XPR1: variants seen among roughly 807,000 people sequenced by gnomAD.
The protein encoded by XPR1 is xenotropic and polytropic retrovirus receptor 1, also known as solute carrier family 53 member 1.
A neutral mutation model predicts 87.5 loss-of-function variants in XPR1; 28 were observed. That is an observed-to-expected ratio of 0.32 (90% CI 0.24 to 0.44). The LOEUF is 0.44. Among genes scored for constraint, XPR1 ranks in the 20% least tolerant of loss-of-function variants. The probability of loss-of-function intolerance (pLI) is 1.00; values close to 1 mark genes in which losing one functional copy is unlikely to be tolerated. For synonymous variants in XPR1, 300 were observed against 306.1 expected, an observed-to-expected ratio of 0.98 and a Z score of 0.21; for missense variants, 559 against 862.3, an observed-to-expected ratio of 0.65 and a Z score of 4.41.
chr1:180,678,324 C>T (rs992756085), intron 1 of XPR1, among the ~76,000 whole-genome samples: 2 of 151,824 alleles, frequency 1.3e-5, no homozygotes, highest in Admixed American at 1.3e-4. Context: ...AGTTCTAATC[C>T]TCTAATCACT....
At chr1:180,848,996 A>G (rs1039107009) in intron 11 of XPR1, among the ~76,000 whole-genome samples, 3 of 152,178 alleles carry the variant, frequency 2.0e-5, no homozygotes, top group African/African-American at 7.2e-5. Flanking sequence ...TAATTTTTTA[A>G]GAAAGAATAT....
intron 13 of XPR1, among the ~76,000 whole-genome samples, chr1:180,878,979 T>G (rs1652754378): frequency 6.6e-6 from 1 of 152,192 alleles, no homozygotes; most frequent in African/African-American, 2.4e-5. Flanking sequence ...CCATAAACTT[T>G]CCCTTGAACT....
At chr1:180,698,769 C>G (rs1657252253) in intron 2 of XPR1, among the ~76,000 whole-genome samples, 1 of 151,992 alleles carries the variant, frequency 6.6e-6, no homozygotes, top group Non-Finnish European at 1.5e-5. Flanking sequence ...TTAGGGATGG[C>G]TTTGTTGGGC....
intron 11 of XPR1, among the ~76,000 whole-genome samples, chr1:180,848,751 C>A (rs1651772067): frequency 6.6e-6 from 1 of 152,086 alleles, no homozygotes; most frequent in African/African-American, 2.4e-5. Context: ...ATACTGCTCT[C>A]CATAGTGACT....
chr1:180,739,021 C>T (rs534853056), intron 2 of XPR1, among the ~76,000 whole-genome samples: 8 of 152,078 alleles, frequency 5.3e-5, no homozygotes, highest in Non-Finnish European at 1.2e-4. Flanking sequence ...TTTCATTTCG[C>T]TCTGTCATCC....
intron 3 of XPR1, among the ~76,000 whole-genome samples, chr1:180,803,151 G>T (rs1208602146): frequency 6.6e-6 from 1 of 152,130 alleles, no homozygotes; most frequent in African/African-American, 2.4e-5. Context: ...ACTCTTAGTG[G>T]CTCTTTACAT....
intron 1 of XPR1, among the ~76,000 whole-genome samples, chr1:180,644,298 T>C (rs573147257): frequency 6.6e-6 from 1 of 152,302 alleles, no homozygotes; most frequent in East Asian, 1.9e-4. Flanking sequence ...GGTCAGGTCC[T>C]CGGGTAGGGG....
intron 1 of XPR1, among the ~76,000 whole-genome samples, chr1:180,656,683 A>G (rs1655543454): frequency 7.8e-6 from 1 of 128,818 alleles, no homozygotes; most frequent in South Asian, 2.2e-4. Context: ...ATATAATTAT[A>G]TAATATATAT....
intron 14 of XPR1, among the ~76,000 whole-genome samples, chr1:180,883,416 C>CA (rs1652905389): frequency 6.6e-6 from 1 of 151,944 alleles, no homozygotes; most frequent in African/African-American, 2.4e-5. Context: ...ATCATAAAAT[C>CA]AAAGTCAGGT....
chr1:180,759,643 A>T (rs975873896), intron 2 of XPR1, among the ~76,000 whole-genome samples: 8 of 152,218 alleles, frequency 5.3e-5, no homozygotes, highest in Non-Finnish European at 8.8e-5. Context: ...AACCAAAAAA[A>T]GTCCAGGACC....
intron 1 of XPR1, among the ~76,000 whole-genome samples, chr1:180,668,316 A>G (rs1656036112): frequency 6.6e-6 from 1 of 151,390 alleles, no homozygotes; most frequent in Admixed American, 6.6e-5. Context: ...TTTAGTAGAG[A>G]CGGGGTTTCA....
intron 7 of XPR1, among the ~76,000 whole-genome samples, chr1:180,815,794 G>A (rs1290837382): frequency 6.6e-6 from 1 of 151,996 alleles, no homozygotes; most frequent in Non-Finnish European, 1.5e-5. Flanking sequence ...AATAGGCTCT[G>A]GTACACTAGT....
At chr1:180,745,593 AGG>A (rs35141455) in intron 2 of XPR1, among the ~76,000 whole-genome samples, 1 of 152,138 alleles carries the variant, frequency 6.6e-6, no homozygotes, top group Non-Finnish European at 1.5e-5. Flanking sequence ...AAAGAAGAAA[AGG>A]GGGGGATGTT....
intron 2 of XPR1, among the ~76,000 whole-genome samples, chr1:180,708,703 TTATTTGAAATA>T (rs1657639619): frequency 6.6e-6 from 1 of 152,114 alleles, no homozygotes; most frequent in African/African-American, 2.4e-5. Context: ...TTTGAATGTT[TTATTTGAAATA>T]TCATGCAACT....
intron 11 of XPR1, among the ~76,000 whole-genome samples, chr1:180,851,116 T>A (rs1651855608): frequency 6.6e-6 from 1 of 152,092 alleles, no homozygotes; most frequent in African/African-American, 2.4e-5. Context: ...TGTTATTTGG[T>A]TATAGAACAA....
At chr1:180,787,678 C>T in intron 2 of XPR1, 75 bp from the exon 3 acceptor site, 1 of 1,012,590 alleles carries the variant, frequency 9.9e-7, no homozygotes, top group Non-Finnish European at 1.5e-6. Context: ...AAAAAGTAAT[C>T]TTAGTTTTTG....
chr1:180,759,559 A>C (rs1483810466), intron 2 of XPR1, among the ~76,000 whole-genome samples: 1 of 152,178 alleles, frequency 6.6e-6, no homozygotes, highest in Non-Finnish European at 1.5e-5. Context: ...CCCAAGACTA[A>C]ACCAGGAAGA....
chr1:180,835,570 T>C (rs1196434480), intron 10 of XPR1, among the ~76,000 whole-genome samples: 1 of 152,162 alleles, frequency 6.6e-6, no homozygotes, highest in East Asian at 1.9e-4. Flanking sequence ...CTCATTGAGA[T>C]AGAATATGTA....
At chr1:180,704,245 GATATATATATATATATATATATAT>G (rs35751561) in intron 2 of XPR1, among the ~76,000 whole-genome samples, 5 of 66,054 alleles carry the variant, frequency 7.6e-5, no homozygotes, top group African/African-American at 1.1e-4. Context: ...ATAGGTGCTG[GATATATATATATATATATATATAT>G]ATATATATTA....
Sources: allele counts gnomAD v4.1 joint callset (sites outside exome capture counted in the v4.1 genomes callset), GRCh38; gene constraint gnomAD v4.1.1; transcripts MANE v1.5; gene names NCBI Gene and HGNC (gene_info 2026-07-23, HGNC 2026-07-21).